The following ZNF233 variants were observed in gnomAD, a reference collection of about 807,000 sequenced individuals.
The protein encoded by ZNF233 is zinc finger protein 233.
ZNF233 carries 7 observed loss-of-function variants against 11.6 expected under a neutral mutation model. That is an observed-to-expected ratio of 0.60 (90% confidence interval 0.34 to 1.13). The LOEUF (loss-of-function observed/expected upper bound fraction) is 1.13. ZNF233 is among the 50% of genes most tolerant of loss of function. ZNF233 has a pLI of 0.03. For synonymous variants in ZNF233, 226 were observed against 268.5 expected (o/e 0.84, Z 1.55); for missense variants, 711 against 785.5 (o/e 0.91, Z 1.13).
chr19:44,264,873 AACAC>A (rs1163198246), intron 2 of ZNF233, among the ~76,000 whole-genome samples: 1 of 152,208 alleles, frequency 6.6e-6, no homozygotes, highest in African/African-American at 2.4e-5. Context: ...CTACAAAACA[AACAC>A]ACAATGCTGT....
chr19:44,269,321 G>A (rs1975178840), intron 4 of ZNF233, among the ~76,000 whole-genome samples: 1 of 150,728 alleles, frequency 6.6e-6, no homozygotes, highest in African/African-American at 2.4e-5. Context: ...TTTTGAGATG[G>A]AGTCTCGCTC....
intron 1 of ZNF233, among the ~76,000 whole-genome samples, chr19:44,262,357 C>T (rs1974961204): frequency 6.6e-6 from 1 of 152,166 alleles, no homozygotes. Context: ...AGCAAAGGCA[C>T]GAGAGGACTT....
chr19:44,268,170 A>C (rs1227432353), intron 4 of ZNF233: 3 of 151,942 alleles, frequency 2.0e-5, no homozygotes, highest in Non-Finnish European at 4.4e-5. Context: ...ATACATACAT[A>C]CATACATACA....
chr19:44,270,634 G>A (rs894816340), intron 4 of ZNF233, among the ~76,000 whole-genome samples: 8 of 152,154 alleles, frequency 5.3e-5, no homozygotes, highest in Non-Finnish European at 8.8e-5. Flanking sequence ...TTCTCACTCC[G>A]GATCTCAAAA....
At chr19:44,262,731 C>G (rs1306520445) in intron 1 of ZNF233, among the ~76,000 whole-genome samples, 1 of 152,052 alleles carries the variant, frequency 6.6e-6, no homozygotes, top group Non-Finnish European at 1.5e-5. Context: ...TCTTAATAAC[C>G]CTACGAGGTA....
rs746919413 is a variant in ZNF233, at chr19:44,274,703, G to C, written c.*30G>C. 1 of 1,503,844 alleles carries C rather than the reference G, an allele frequency of 6.6e-7. No homozygotes were observed. Among genetic ancestry groups the C allele is most frequent in the East Asian group, 2.3e-5 (1 of 43,950 alleles). 93.2% of individuals were successfully genotyped at this position (1,503,844 alleles called of 1,614,324 possible). ...GATGAATCTATTAATCATGATGAGTGTGATAGGGGTGCTCTTCAAGACTTA... is the reference window on the plus strand; with the variant it reads ...GATGAATCTATTAATCATGATGAGTCTGATAGGGGTGCTCTTCAAGACTTA... On this transcript the variant is annotated 3_prime_UTR_variant, in exon 5 of 5. Transcript: ENST00000683810.
rs1182676556 is a variant in ZNF233 at position 44,274,760 on chromosome 19, G to A, written c.*87G>A. ...CCATTTTCCTCAGAAAATCCACACA[G>A]CACAGAATATTTATAAAATGTCATG... On this transcript the variant is annotated 3_prime_UTR_variant, in exon 5 of 5. Transcript: ENST00000683810. 2 of 995,004 alleles carry A rather than the reference G, an allele frequency of 2.0e-6. No individual in the cohort carries two copies. Among genetic ancestry groups the A allele is most frequent in the Non-Finnish European group, 2.9e-6 (2 of 699,358 alleles). The allele number at this position is 995,004 out of a possible 1,614,324, so 61.6% of individuals were successfully genotyped here. A position where few individuals can be genotyped will look rare whatever the true frequency, so the allele number is the denominator to read the frequency against.
At chr19:44,272,621 G>C (rs1975266879) in intron 4 of ZNF233, among the ~76,000 whole-genome samples, 1 of 152,122 alleles carries the variant, frequency 6.6e-6, no homozygotes. Flanking sequence ...TGTAGTCCCA[G>C]CTACTCGGGA....
chr19:44,259,916 C>T lies in ZNF233; in HGVS notation c.-70C>T. 2.2e-6 allele frequency: 1 copy of T among 456,082 alleles called. No individual in the cohort carries two copies. The highest frequency in any genetic ancestry group is 4.4e-6 in the Non-Finnish European group (1 of 226,730). The allele number at this position is 456,082 out of a possible 1,614,324, so 28.3% of individuals were successfully genotyped here. ...CTTCCGCTGCAGGAGGGCGAAGCAG[C>T]CGTCATCTATCCCCTCTGGGAGGTG... On this transcript the variant is annotated 5_prime_UTR_variant, in exon 1 of 5. Transcript: ENST00000683810.
chr19:44,274,078 T>TCCACACTGGAGAGAAA lies in ZNF233; in HGVS notation c.1421_1436dup (p.Tyr480HisfsTer9). 6.3e-7 allele frequency: 1 copy of TCCACACTGGAGAGAAA among 1,597,898 alleles called. No homozygotes were observed. The highest frequency in any genetic ancestry group is 8.5e-7 in the Non-Finnish European group (1 of 1,179,434). On this transcript the variant is annotated frameshift_variant, in exon 5 of 5. Transcript: ENST00000683810. LOFTEE classifies it low-confidence loss of function (END_TRUNC). Reference sequence around the variant, plus strand: ...TCAAATCTTCAAGCCCATCAGAGAATCCACACTGGAGAGAAACCCTACAAA... The same window carrying TCCACACTGGAGAGAAA: ...TCAAATCTTCAAGCCCATCAGAGAATCCACACTGGAGAGAAACCACACTGGAGAGAAACCCTACAAA...
intron 4 of ZNF233, 87 bp from the exon 5 acceptor site, chr19:44,272,812 G>A (rs1387368562): frequency 9.9e-6 from 9 of 910,618 alleles, no homozygotes; most frequent in South Asian, 1.8e-5. Context: ...GTTTCCCAAT[G>A]TGGTCAACCT....
At chr19:44,260,176 C>T (rs1234172307) in intron 1 of ZNF233, 1 of 244,744 alleles carries the variant, frequency 4.1e-6, no homozygotes, top group Admixed American at 5.5e-5. Context: ...CCACCTTCCA[C>T]ACGCTCTGCT....
chr19:44,270,728 A>G (rs948660135), intron 4 of ZNF233, among the ~76,000 whole-genome samples: 1 of 152,154 alleles, frequency 6.6e-6, no homozygotes, highest in Non-Finnish European at 1.5e-5. Context: ...GCTCGTTCAC[A>G]TGGCTGTGGC....
rs1228533674 is a variant in ZNF233 at position 44,272,885 on chromosome 19, C to T, written c.239-14C>T. 7.3e-6 allele frequency: 11 copies of T among 1,496,708 alleles called. No individual in the cohort carries two copies. Among genetic ancestry groups the T allele is most frequent in the Non-Finnish European group, 9.8e-6 (11 of 1,119,646 alleles). 92.7% of individuals were successfully genotyped at this position (1,496,708 alleles called of 1,614,324 possible). A position where few individuals can be genotyped will look rare whatever the true frequency, so the allele number is the denominator to read the frequency against. Reference sequence around the variant, plus strand: ...GTCTTCATTTTCATTTCTGAGTTCTCTTTATCATTCTAGGACACAAGAATC... The same window carrying T: ...GTCTTCATTTTCATTTCTGAGTTCTTTTTATCATTCTAGGACACAAGAATC... On this transcript the variant is annotated splice_polypyrimidine_tract_variant and intron_variant, in intron 4 of 4. Transcript: ENST00000683810.
Position 44,264,366 on chromosome 19 carries a change from C to T in ZNF233, c.6C>T (p.Thr2=), listed in dbSNP as rs781694956. 5 of 1,613,252 alleles carry T rather than the reference C, an allele frequency of 3.1e-6. No individual in the cohort carries two copies. The highest frequency in any genetic ancestry group is 4.2e-6 in the Non-Finnish European group (5 of 1,179,710). The change falls in exon 2 of 5, where the codon ACC becomes ACT. Residue 2 remains threonine (T), a synonymous_variant. Transcript: ENST00000683810. The stretch of plus-strand genomic sequence containing the variant: ...CCCAGAAGGAGCAGGAGAAAATGAC[C>T]AAGTTTCAGGTGAGTTGAGTTTTGA... M[T]KFQEMVTFKD...
chr19:44,263,158 T>C (rs142073152), intron 1 of ZNF233, among the ~76,000 whole-genome samples: 58 of 152,292 alleles, frequency 3.8e-4, no homozygotes, highest in African/African-American at 1.2e-3. Context: ...ATTTAAAAAA[T>C]TGAGTCATAA....
In ZNF233 at chr19:44,273,178, A is replaced by G; in HGVS notation, c.518A>G (p.Glu173Gly). 1.9e-6 allele frequency: 3 copies of G among 1,613,830 alleles called. No homozygotes were observed. Among genetic ancestry groups the G allele is most frequent in the Non-Finnish European group, 2.5e-6 (3 of 1,180,046 alleles). The change falls in exon 5 of 5, where the codon GAG becomes GGG. Residue 173 changes from glutamate to glycine, a missense_variant. Coordinates refer to ENST00000683810, the MANE Select transcript of ZNF233 (RefSeq NM_001207005.2). ...AGTTCAAATAGCATAAAAAATCAAG[A>G]GCTTCCATTGAGGACCACCTGGGAT... The part of the protein sequence containing the change: ...GESSNSIKNQ[E>G]LPLRTTWDFW...
At chr19:44,261,285 T>G (rs1054319435) in intron 1 of ZNF233, among the ~76,000 whole-genome samples, 1 of 151,194 alleles carries the variant, frequency 6.6e-6, no homozygotes, top group Non-Finnish European at 1.5e-5. Context: ...ACAAAAAAAT[T>G]AAAAATTAGC....
In ZNF233 at chr19:44,273,232, C is replaced by T. The variant is rs1271583228; in HGVS notation, c.572C>T (p.Pro191Leu). 2 of 1,613,700 alleles carry T rather than the reference C, an allele frequency of 1.2e-6. No individual in the cohort carries two copies. Among genetic ancestry groups the T allele is most frequent in the South Asian group, 2.2e-5 (2 of 91,062 alleles). ...TGGAGGAAAATGTATCTGAGAGAAC[C>T]ACAGAATTATCAGAGTAGGTGTCAG... ...DFWRKMYLRE[P>L]QNYQSRCQQI... The change falls in exon 5 of 5, where the codon CCA (proline) becomes CTA (leucine). Residue 191 changes from proline to leucine, a missense_variant. By Grantham distance (98) the Pro-to-Leu change is moderately conservative (BLOSUM62 -3). Transcript: ENST00000683810.
Sources: allele counts gnomAD v4.1 joint callset (sites outside exome capture counted in the v4.1 genomes callset), GRCh38; gene constraint gnomAD v4.1.1; transcripts MANE v1.5; gene names NCBI Gene and HGNC (gene_info 2026-07-23, HGNC 2026-07-21).